The following SIK3 variants were observed in gnomAD, a reference collection of about 807,000 sequenced individuals.
SIK3 encodes the protein serine/threonine-protein kinase SIK3.
Under a neutral mutation model 144.2 loss-of-function variants are expected in SIK3, and 28 were observed. The ratio of observed to expected loss-of-function variants is 0.19; its 90% CI spans 0.14 to 0.27. The LOEUF is 0.27. Ranked by LOEUF, SIK3 falls within the 10% of genes least tolerant of loss-of-function variation. SIK3 has a pLI of 1.00. For missense variants in SIK3, 1,319 were observed against 1,776.0 expected, an observed-to-expected ratio of 0.74 and a Z score of 4.62; for synonymous variants, 686 against 676.3, an observed-to-expected ratio of 1.01 and a Z score of -0.22.
At chr11:116,859,650 G>A in intron 19 of SIK3, 46 bp from the exon 20 acceptor site, 1 of 1,541,420 alleles carries the variant, frequency 6.5e-7, no homozygotes, top group Admixed American at 1.7e-5. Context: ...CAGGCCACCA[G>A]CCAGCCAGAA....
chr11:117,021,140 G>A (rs1565564792), intron 1 of SIK3, among the ~76,000 whole-genome samples: 2 of 152,220 alleles, frequency 1.3e-5, no homozygotes, highest in African/African-American at 4.8e-5. Flanking sequence ...GGTCACAGAA[G>A]TATTTTGTGT....
At chr11:116,939,695 T>A (rs754494186) in intron 3 of SIK3, among the ~76,000 whole-genome samples, 2 of 152,190 alleles carry the variant, frequency 1.3e-5, no homozygotes, top group Non-Finnish European at 2.9e-5. Flanking sequence ...TAAATATAAC[T>A]TCCACTTTCC....
intron 1 of SIK3, chr11:117,035,765 T>C: frequency 3.8e-6 from 5 of 1,318,304 alleles, no homozygotes; most frequent in Non-Finnish European, 5.4e-6. Context: ...TTTATTGAGA[T>C]GGTTTCCCAC....
At chr11:116,885,411 C>T (rs1036833171) in intron 6 of SIK3, among the ~76,000 whole-genome samples, 2 of 152,132 alleles carry the variant, frequency 1.3e-5, no homozygotes, top group Non-Finnish European at 2.9e-5. Flanking sequence ...TCTAGGTGGG[C>T]ATGATGCTGC....
At chr11:117,080,745 C>G (rs1954747744) in intron 1 of SIK3, among the ~76,000 whole-genome samples, 1 of 151,830 alleles carries the variant, frequency 6.6e-6, no homozygotes, top group South Asian at 2.1e-4. Flanking sequence ...GCCAGGAGTT[C>G]GTGACCAGCC....
chr11:116,989,740 T>A (rs638392), intron 1 of SIK3, among the ~76,000 whole-genome samples: 8,599 of 152,252 alleles, frequency 0.056, 517 homozygotes, highest in African/African-American at 0.15. Flanking sequence ...TACTGTGGAC[T>A]TCCAAATTAA....
intron 4 of SIK3, among the ~76,000 whole-genome samples, chr11:116,906,892 C>T (rs1277911478): frequency 6.6e-6 from 1 of 152,158 alleles, no homozygotes; most frequent in Non-Finnish European, 1.5e-5. Context: ...CCAACAGATA[C>T]TAATCCTAAG....
chr11:117,063,586 CTTTT>C (rs769073456), intron 1 of SIK3, among the ~76,000 whole-genome samples: 1 of 125,922 alleles, frequency 7.9e-6, no homozygotes. Flanking sequence ...AATGAAGTTT[CTTTT>C]TTTTTTTTTT....
intron 2 of SIK3, among the ~76,000 whole-genome samples, chr11:116,955,753 T>C (rs2135396248): frequency 6.6e-6 from 1 of 152,210 alleles, no homozygotes; most frequent in Non-Finnish European, 1.5e-5. Context: ...TTTCATAAGT[T>C]TGCTTGTGGG....
chr11:116,937,889 T>C (rs1016341688), intron 3 of SIK3, among the ~76,000 whole-genome samples: 4 of 152,128 alleles, frequency 2.6e-5, no homozygotes, highest in African/African-American at 9.7e-5. Flanking sequence ...TTCTGGTCTT[T>C]AAATGCTATT....
intron 16 of SIK3, among the ~76,000 whole-genome samples, 189 bp from the exon 17 acceptor site, chr11:116,862,516 T>C (rs1321472800): frequency 1.3e-5 from 2 of 152,216 alleles, no homozygotes; most frequent in Non-Finnish European, 1.5e-5. Flanking sequence ...TCCTGTTCTG[T>C]ATGAATGAAT....
chr11:117,007,640 C>T (rs191613680), intron 1 of SIK3, among the ~76,000 whole-genome samples: 1 of 152,268 alleles, frequency 6.6e-6, no homozygotes, highest in East Asian at 1.9e-4. Context: ...TATAGCTGCC[C>T]CCTCAGGGAC....
chr11:117,021,929 A>C (rs1158868803), intron 1 of SIK3, among the ~76,000 whole-genome samples: 3 of 24,410 alleles, frequency 1.2e-4, no homozygotes, highest in Non-Finnish European at 2.1e-4. Context: ...CTGTCTCTAC[A>C]AAAAAAAAAA....
intron 1 of SIK3, among the ~76,000 whole-genome samples, chr11:116,994,570 T>G (rs1950598034): frequency 6.6e-6 from 1 of 152,200 alleles, no homozygotes; most frequent in Admixed American, 6.6e-5. Flanking sequence ...TGACAAAAAG[T>G]GCTTGGTGGT....
chr11:117,056,171 T>A (rs928124343), intron 1 of SIK3, among the ~76,000 whole-genome samples: 1 of 152,148 alleles, frequency 6.6e-6, no homozygotes, highest in Non-Finnish European at 1.5e-5. Context: ...GTGGCACATA[T>A]ACACCATGGA....
At chr11:117,052,479 T>C (rs1369542631) in intron 1 of SIK3, among the ~76,000 whole-genome samples, 1 of 152,190 alleles carries the variant, frequency 6.6e-6, no homozygotes, top group Admixed American at 6.5e-5. Context: ...AGAGTCTATC[T>C]CCGGCATTCA....
chr11:116,940,609 G>A lies in SIK3; in HGVS notation c.455-13229C>T, dbSNP rs182769617. On this transcript the variant is annotated intron_variant, in intron 3 of 24. Coordinates refer to ENST00000445177, the MANE Select transcript of SIK3 (RefSeq NM_001366686.3). ...GGGCTCTTATTTTTATGTCATGGTA[G>A]AAATGACTGGATGATCAGACTATAA... Among the ~76,000 whole-genome samples, 13 of 151,940 alleles carry A rather than the reference G, an allele frequency of 8.6e-5. No homozygotes were observed. The East Asian group carries it at 1.9e-3, about 23-fold the overall frequency.
chr11:116,899,330 T>C (rs984076596), intron 4 of SIK3, among the ~76,000 whole-genome samples: 1 of 152,102 alleles, frequency 6.6e-6, no homozygotes, highest in Non-Finnish European at 1.5e-5. Context: ...CATTGATCTA[T>C]ATCTCTGTTT....
At position 116,926,618 on chromosome 11, in the gene SIK3, T is replaced by C. The variant is rs943995174; in HGVS notation, c.616+601A>G. On this transcript the variant is annotated intron_variant, in intron 4 of 24. Transcript: ENST00000445177. ...TTAGTAGTTTTCCTTTCCACTTTAT[T>C]ACATATTTTATTTCTTATGTAAAAA... is the stretch of plus-strand genomic sequence containing the variant. Among the ~76,000 whole-genome samples the C allele has an allele frequency of 2.6e-5, 4 of 152,216 alleles. No individual in the cohort carries two copies. The East Asian group carries it at 7.7e-4, about 29-fold the overall frequency.
Sources: allele counts gnomAD v4.1 joint callset (sites outside exome capture counted in the v4.1 genomes callset), GRCh38; gene constraint gnomAD v4.1.1; transcripts MANE v1.5; gene names NCBI Gene and HGNC (gene_info 2026-07-23, HGNC 2026-07-21).